The following CCL21 variants were observed in gnomAD, a reference collection of about 807,000 sequenced individuals.
CCL21 encodes the protein C-C motif chemokine 21.
In CCL21, 12 loss-of-function variants were observed where a neutral mutation model predicts 16.4. The observed-to-expected ratio is 0.73, with a 90% confidence interval of 0.47 to 1.18. The LOEUF (loss-of-function observed/expected upper bound fraction) is 1.18. CCL21 is among the 50% of genes most tolerant of loss of function. The probability of loss-of-function intolerance (pLI) is 0.00; values close to 1 mark genes in which losing one functional copy is unlikely to be tolerated. For synonymous variants in CCL21, 64 were observed against 62.1 expected (o/e 1.03, Z -0.15); for missense variants, 155 against 163.8 (o/e 0.95, Z 0.29).
rs1361762238 is a variant in CCL21, at chr9:34,710,071, G to A, written c.-5C>T. 6.2e-7 allele frequency: 1 copy of A among 1,613,030 alleles called. No individual in the cohort carries two copies. Among genetic ancestry groups the A allele is most frequent in the South Asian group, 1.1e-5 (1 of 90,884 alleles). ...CAGAGCCAGTGACTGAGCCATGTCT[G>A]TGGTAGAGGGTGAGTAAGAGGCCAG... On this transcript the variant is annotated 5_prime_UTR_variant, in exon 1 of 4. Transcript: ENST00000259607.
In CCL21 at chr9:34,709,674, G is replaced by A. The variant is rs1283173183; in HGVS notation, c.197C>T (p.Pro66Leu). The A allele has an allele frequency of 1.9e-6, 3 of 1,613,846 alleles. No individual in the cohort carries two copies. The highest frequency in any genetic ancestry group is 1.1e-5 in the South Asian group (1 of 91,074). The change falls in exon 3 of 4, where the codon CCC becomes CTC. Residue 66 changes from proline to leucine, a missense_variant. Physicochemically the swap from Pro to Leu is moderately conservative, Grantham distance 98. Transcript: ENST00000259607. ...GCSIPAILFL[P>L]RKRSQAELCA... ...TAGCTCTGCCTGAGAGCGCTTGCGG[G>A]GCAAGAACCTGCGGGTGGGGGCTAG...
Position 34,709,824 on chromosome 9 carries a change from G to A in CCL21, c.141C>T (p.Ser47=), listed in dbSNP as rs1821959203. The A allele has an allele frequency of 6.2e-7, 1 of 1,614,196 alleles. No homozygotes were observed. Among genetic ancestry groups the A allele is most frequent in the Non-Finnish European group, 8.5e-7 (1 of 1,180,038 alleles). The change falls in exon 2 of 4, where the codon AGC becomes AGT. Residue 47 remains serine (S), a synonymous_variant. Coordinates refer to ENST00000259607, the MANE Select transcript of CCL21 (RefSeq NM_002989.4). ...QRKIPAKVVR[S]YRKQEPSLGC... Reference sequence around the variant, plus strand: ...CTAAGCTTGGTTCCTGCTTCCGGTAGCTGCGGACAACCTTGGCGGGAATCT... The same window carrying A: ...CTAAGCTTGGTTCCTGCTTCCGGTAACTGCGGACAACCTTGGCGGGAATCT...
In CCL21 at chr9:34,709,251, A is replaced by G; in HGVS notation, c.*143T>C. On this transcript the variant is annotated 3_prime_UTR_variant, in exon 4 of 4. Coordinates refer to ENST00000259607, the MANE Select transcript of CCL21 (RefSeq NM_002989.4). ...CTGGGAATGCAGATGGGGTGGTTAA[A>G]GCAGGAGAAAGAGTGTGGCAAGGCC... 2.0e-6 allele frequency: 2 copies of G among 1,020,108 alleles called. No homozygotes were observed. Among genetic ancestry groups the G allele is most frequent in the Admixed American group, 4.4e-5 (2 of 45,446 alleles). 63.2% of individuals were successfully genotyped at this position (1,020,108 alleles called of 1,614,324 possible). A position where few individuals can be genotyped will look rare whatever the true frequency, so the allele number is the denominator to read the frequency against.
rs944181574 is a variant in CCL21, at chr9:34,709,044, A to G, written c.*350T>C. ...AGAACAGCTTTTTATTCAGTTAGGT[A>G]TAAATCATATTTACAAGGAAGAGGT... is the stretch of plus-strand genomic sequence containing the variant. On this transcript the variant is annotated 3_prime_UTR_variant, in exon 4 of 4. Coordinates refer to ENST00000259607, the MANE Select transcript of CCL21 (RefSeq NM_002989.4). 5.9e-6 allele frequency: 2 copies of G among 339,090 alleles called. No homozygotes were observed. Among genetic ancestry groups the G allele is most frequent in the Non-Finnish European group, 1.1e-5 (2 of 185,814 alleles). The allele number at this position is 339,090 out of a possible 1,614,324, so 21.0% of individuals were successfully genotyped here.
In CCL21 at chr9:34,709,758, C is replaced by T; in HGVS notation, c.188+19G>A. The T allele has an allele frequency of 6.2e-7, 1 of 1,614,174 alleles. No individual in the cohort carries two copies. Among genetic ancestry groups the T allele is most frequent in the Non-Finnish European group, 8.5e-7 (1 of 1,180,004 alleles). On this transcript the variant is annotated intron_variant, in intron 2 of 3. Transcript: ENST00000259607. ...CCACCCCGTCACCAGCCAGTACCCA[C>T]CCCTTTGTGTCCACTCACAGGATAG...
rs112468744 is a variant in CCL21, at chr9:34,709,774, C to G, written c.188+3G>C. On this transcript the variant is annotated splice_donor_region_variant and intron_variant, in intron 2 of 3. Transcript: ENST00000259607. The stretch of plus-strand genomic sequence containing the variant: ...CAGTACCCACCCCTTTGTGTCCACT[C>G]ACAGGATAGCTGGGATGGAGCAGCC... 1.1e-5 allele frequency: 17 copies of G among 1,614,012 alleles called. No individual in the cohort carries two copies. Among genetic ancestry groups the G allele is most frequent in the Non-Finnish European group, 1.4e-5 (17 of 1,179,976 alleles).
At position 34,709,684 on chromosome 9, in the gene CCL21, T is replaced by C; in HGVS notation, c.189-2A>G. On this transcript the variant is annotated splice_acceptor_variant, in intron 2 of 3. Transcript: ENST00000259607. LOFTEE classifies it high-confidence loss of function. ...TGAGAGCGCTTGCGGGGCAAGAACC[T>C]GCGGGTGGGGGCTAGTAAGCCTTCT... 6.2e-7 allele frequency: 1 copy of C among 1,613,812 alleles called. No individual in the cohort carries two copies. Among genetic ancestry groups the C allele is most frequent in the Non-Finnish European group, 8.5e-7 (1 of 1,179,756 alleles).
chr9:34,710,122 A>C lies in CCL21; in HGVS notation c.-56T>G. ...AGCTGAGGGTGAGGTGGGCAGCTGC[A>C]AGTTGGGGGTCTGTGCGTGGGCTGG... is the stretch of plus-strand genomic sequence containing the variant. On this transcript the variant is annotated 5_prime_UTR_variant, in exon 1 of 4. Coordinates refer to ENST00000259607, the MANE Select transcript of CCL21 (RefSeq NM_002989.4). 1.3e-6 allele frequency: 2 copies of C among 1,490,358 alleles called. No individual in the cohort carries two copies. Among genetic ancestry groups the C allele is most frequent in the South Asian group, 2.3e-5 (2 of 86,690 alleles). The allele number at this position is 1,490,358 out of a possible 1,614,324, so 92.3% of individuals were successfully genotyped here.
In CCL21 at chr9:34,709,702, A is replaced by C; in HGVS notation, c.189-20T>G. ...AAGAACCTGCGGGTGGGGGCTAGTA[A>C]GCCTTCTTAGTCTTGCCCACCATGC... On this transcript the variant is annotated intron_variant, in intron 2 of 3. Transcript: ENST00000259607. 1 of 1,613,498 alleles carries C rather than the reference A, an allele frequency of 6.2e-7. No individual in the cohort carries two copies. Among genetic ancestry groups the C allele is most frequent in the Non-Finnish European group, 8.5e-7 (1 of 1,179,606 alleles).
intron 3 of CCL21, 30 bp from the exon 4 acceptor site, chr9:34,709,457 CT>C: frequency 6.2e-7 from 1 of 1,613,156 alleles, no homozygotes; most frequent in Non-Finnish European, 8.5e-7. Flanking sequence ...GTGTGAGGGG[CT>C]GACTGAGGCT....
In CCL21 at chr9:34,709,427, C is replaced by A. The variant is rs1219925355; in HGVS notation, c.372G>T (p.Arg124Ser). The A allele has an allele frequency of 6.2e-7, 1 of 1,612,514 alleles. No individual in the cohort carries two copies. The highest frequency in any genetic ancestry group is 8.5e-7 in the Non-Finnish European group (1 of 1,179,548). ...KKGKGSKGCK[R>S]TERSQTPKGP ...CTTTAGGGGTCTGTGACCGCTCAGTCCTGTGAGGGCAGAAGAGGGGTGTGA... is the reference window on the plus strand; with the variant it reads ...CTTTAGGGGTCTGTGACCGCTCAGTACTGTGAGGGCAGAAGAGGGGTGTGA... The change falls in exon 4 of 4, where the codon AGG (arginine) becomes AGT (serine). Residue 124 changes from arginine to serine, a missense_variant and splice_region_variant. Arg to Ser is a moderately radical substitution (Grantham distance 110). Coordinates refer to ENST00000259607, the MANE Select transcript of CCL21 (RefSeq NM_002989.4).
chr9:34,710,087 A>G lies in CCL21; in HGVS notation c.-21T>C, dbSNP rs11574915. 6.2e-7 allele frequency: 1 copy of G among 1,610,138 alleles called. No homozygotes were observed. On this transcript the variant is annotated 5_prime_UTR_variant, in exon 1 of 4. Coordinates refer to ENST00000259607, the MANE Select transcript of CCL21 (RefSeq NM_002989.4). ...GCCATGTCTGTGGTAGAGGGTGAGT[A>G]AGAGGCCAGAGCTGAGGGTGAGGTG...
At position 34,709,133 on chromosome 9, in the gene CCL21, C is replaced by T. The variant is rs1821948308; in HGVS notation, c.*261G>A. 3.5e-6 allele frequency: 2 copies of T among 572,218 alleles called. No homozygotes were observed. Among genetic ancestry groups the T allele is most frequent in the Admixed American group, 3.3e-5 (1 of 30,104 alleles). The allele number at this position is 572,218 out of a possible 1,614,324, so 35.4% of individuals were successfully genotyped here. ...ATGATTCTCCTTCAAGGGGACAGTC[C>T]TGCTGCCTCCTCTCATGCTCCCTGG... On this transcript the variant is annotated 3_prime_UTR_variant, in exon 4 of 4. Transcript: ENST00000259607.
In CCL21 at chr9:34,709,622, C is replaced by T. The variant is rs994791374; in HGVS notation, c.249G>A (p.Val83=). The change falls in exon 3 of 4, where the codon GTG becomes GTA. Residue 83 remains valine (V), a synonymous_variant. Transcript: ENST00000259607. ...ELCADPKELW[V]QQLMQHLDKT... ...TGTCCAGATGCTGCATCAGCTGCTG[C>T]ACCCAGAGCTCCTTTGGGTCTGCAC... 3.1e-6 allele frequency: 5 copies of T among 1,614,176 alleles called. No homozygotes were observed. Among genetic ancestry groups the T allele is most frequent in the Non-Finnish European group, 1.7e-6 (2 of 1,180,008 alleles).
At chr9:34,709,749 C>T (rs1205555852) in intron 2 of CCL21, 28 bp downstream of exon 2, 1 of 1,614,150 alleles carries the variant, frequency 6.2e-7, no homozygotes, top group East Asian at 2.2e-5. Context: ...CGTCACCAGC[C>T]AGTACCCACC....
In CCL21 at chr9:34,709,361, TG is replaced by T. The variant is rs755312063; in HGVS notation, c.*32del. 6.5e-5 allele frequency: 105 copies of T among 1,603,878 alleles called. No individual in the cohort carries two copies. Among genetic ancestry groups the T allele is most frequent in the Non-Finnish European group, 4.8e-5 (56 of 1,177,734 alleles). On this transcript the variant is annotated 3_prime_UTR_variant, in exon 4 of 4. Coordinates refer to ENST00000259607, the MANE Select transcript of CCL21 (RefSeq NM_002989.4). ...AGGCTTCAAGCGCTGGTGAGGCTGG[TG>T]GGGTCTCCAGGGCTCCAGGCTGCTC...
At chr9:34,709,931 G>A in intron 1 of CCL21, 34 bp from the exon 2 acceptor site, 1 of 1,614,164 alleles carries the variant, frequency 6.2e-7, no homozygotes, top group Non-Finnish European at 8.5e-7. Context: ...GCCAGGGGCT[G>A]CTGGCAAGCT....
At position 34,710,050 on chromosome 9, in the gene CCL21, G is replaced by A. The variant is rs1413276539; in HGVS notation, c.17C>T (p.Ala6Val). The A allele has an allele frequency of 2.5e-6, 4 of 1,613,840 alleles. No homozygotes were observed. The highest frequency in any genetic ancestry group is 3.4e-6 in the Non-Finnish European group (4 of 1,179,826). The change falls in exon 1 of 4, where the codon GCT becomes GTT. Residue 6 changes from alanine to valine, a missense_variant. Ala to Val is a moderately conservative substitution (Grantham distance 64). Coordinates refer to ENST00000259607, the MANE Select transcript of CCL21 (RefSeq NM_002989.4). MAQSLALSLLILVLAF... is the reference protein window; with the variant it reads MAQSLVLSLLILVLAF... ...CAGAACCAGGATAAGGAGGCTCAGAGCCAGTGACTGAGCCATGTCTGTGGT... is the reference window on the plus strand; with the variant it reads ...CAGAACCAGGATAAGGAGGCTCAGAACCAGTGACTGAGCCATGTCTGTGGT...
In CCL21 at chr9:34,709,060, AG is replaced by A. The variant is rs1164155257; in HGVS notation, c.*333del. 2.5e-6 allele frequency: 1 copy of A among 394,548 alleles called. No individual in the cohort carries two copies. Among genetic ancestry groups the A allele is most frequent in the Non-Finnish European group, 4.5e-6 (1 of 220,560 alleles). The allele number at this position is 394,548 out of a possible 1,614,324, so 24.4% of individuals were successfully genotyped here. On this transcript the variant is annotated 3_prime_UTR_variant, in exon 4 of 4. Coordinates refer to ENST00000259607, the MANE Select transcript of CCL21 (RefSeq NM_002989.4). ...CAGTTAGGTATAAATCATATTTACA[AG>A]GAAGAGGTGGGGTGTACTGGGGAGC...
Sources: allele counts gnomAD v4.1 joint callset, GRCh38; gene constraint gnomAD v4.1.1; transcripts MANE v1.5; gene names NCBI Gene and HGNC (gene_info 2026-07-23, HGNC 2026-07-21).